TARP: variants seen among roughly 807,000 people sequenced by gnomAD.
the TARP span, among the ~76,000 whole-genome samples, chr7:38,270,024 C>T: frequency 1.3e-5 from 2 of 151,908 alleles, no homozygotes; most frequent in Admixed American, 6.6e-5. Context: ...GTCACTTGAG[C>T]CTAGGAGTTC....
At chr7:38,272,822 CA>C in the TARP span, among the ~76,000 whole-genome samples, 1 of 151,166 alleles carries the variant, frequency 6.6e-6, no homozygotes, top group African/African-American at 2.4e-5. Context: ...TTGATTGCTA[CA>C]ATTCTCATTA....
chr7:38,260,951 A>G, the TARP span, among the ~76,000 whole-genome samples: 67 of 151,926 alleles, frequency 4.4e-4, 1 homozygote, highest in Middle Eastern at 3.4e-3. Flanking sequence ...CTTTGTGCAT[A>G]TGTAGAGAGA....
At chr7:38,262,125 T>C in the TARP span, 1 of 1,549,336 alleles carries the variant, frequency 6.5e-7, no homozygotes, top group Non-Finnish European at 8.9e-7. Flanking sequence ...GCCAGAGAAG[T>C]TCAAAACAAA....
the TARP span, among the ~76,000 whole-genome samples, chr7:38,263,372 G>T: frequency 5.3e-5 from 8 of 151,884 alleles, no homozygotes; most frequent in Non-Finnish European, 1.0e-4. Flanking sequence ...TGTAGGGGAA[G>T]AAAAGAAATT....
the TARP span, chr7:38,262,318 T>C: frequency 1.2e-6 from 1 of 857,550 alleles, no homozygotes; most frequent in South Asian, 1.6e-5. Flanking sequence ...GGAGGACAGT[T>C]ATTAAAAATA....
the TARP span, among the ~76,000 whole-genome samples, chr7:38,261,575 A>T: frequency 6.6e-6 from 1 of 151,620 alleles, no homozygotes; most frequent in South Asian, 2.1e-4. Context: ...CAGTCATTAA[A>T]CAAAAGACAG....
chr7:38,268,111 A>G, the TARP span, among the ~76,000 whole-genome samples: 3 of 151,508 alleles, frequency 2.0e-5, no homozygotes, highest in Non-Finnish European at 4.4e-5. Context: ...TTAAAATACT[A>G]CTTTTAAAAT....
the TARP span, among the ~76,000 whole-genome samples, chr7:38,263,874 CGTTA>C: frequency 6.8e-6 from 1 of 147,400 alleles, no homozygotes; most frequent in East Asian, 2.0e-4. Context: ...AGAATGCAAA[CGTTA>C]GTTATCAAGT....
chr7:38,266,118 T>C, the TARP span, among the ~76,000 whole-genome samples: 2 of 151,680 alleles, frequency 1.3e-5, no homozygotes, highest in Non-Finnish European at 2.9e-5. Context: ...TAATGATCTC[T>C]CTACAGATGA....
chr7:38,266,364 C>T, the TARP span, among the ~76,000 whole-genome samples: 16 of 151,708 alleles, frequency 1.1e-4, no homozygotes, highest in Admixed American at 5.9e-4. Flanking sequence ...TGGAATGCAG[C>T]GGCAAGATCA....
At chr7:38,262,406 C>A in the TARP span, among the ~76,000 whole-genome samples, 1 of 151,702 alleles carries the variant, frequency 6.6e-6, no homozygotes, top group Non-Finnish European at 1.5e-5. Context: ...TGTTTTTGCA[C>A]ATCAAGATGT....
chr7:38,272,699 A>G, the TARP span, among the ~76,000 whole-genome samples: 5 of 149,956 alleles, frequency 3.3e-5, no homozygotes, highest in Non-Finnish European at 5.9e-5. Context: ...CACTTCCTAA[A>G]AGGGAGTTAC....
chr7:38,265,959 C>A, the TARP span, among the ~76,000 whole-genome samples: 1 of 151,542 alleles, frequency 6.6e-6, no homozygotes, highest in South Asian at 2.1e-4. Context: ...TCTGCACATG[C>A]TGTGATGAGT....
chr7:38,266,334 G>T, the TARP span, among the ~76,000 whole-genome samples: 1 of 151,048 alleles, frequency 6.6e-6, no homozygotes, highest in South Asian at 2.1e-4. Flanking sequence ...TGAGACTGGG[G>T]CTTGCTCTGT....
the TARP span, chr7:38,273,505 G>A: frequency 8.9e-7 from 1 of 1,123,828 alleles, no homozygotes; most frequent in East Asian, 2.4e-5. Flanking sequence ...TGACCAAGGA[G>A]GGAATCCTAG....
the TARP span, among the ~76,000 whole-genome samples, chr7:38,265,061 A>G: frequency 2.0e-5 from 3 of 151,134 alleles, no homozygotes; most frequent in African/African-American, 7.3e-5. Context: ...GCTTCTGTGT[A>G]TGTTGTTTCT....
chr7:38,270,234 T>A, the TARP span, among the ~76,000 whole-genome samples: 2 of 151,782 alleles, frequency 1.3e-5, no homozygotes, highest in Admixed American at 6.6e-5. Flanking sequence ...TTGCCCTTAC[T>A]AAAAAAAATT....
the TARP span, among the ~76,000 whole-genome samples, chr7:38,269,119 A>G: frequency 6.6e-6 from 1 of 151,882 alleles, no homozygotes; most frequent in Non-Finnish European, 1.5e-5. Flanking sequence ...GCTCCTTCAC[A>G]ACAAGAGTAA....
the TARP span, chr7:38,262,159 A>G: frequency 6.2e-7 from 1 of 1,609,612 alleles, no homozygotes; most frequent in Non-Finnish European, 8.5e-7. Flanking sequence ...AGGGAAAAAC[A>G]CAAAAGCTTA....
Sources: gnomAD v4.1 joint callset for allele counts (sites outside exome capture counted in the v4.1 genomes callset) on GRCh38, gnomAD v4.1.1 for gene constraint, MANE v1.5 for transcripts.